ELSPBP1: variants seen among roughly 807,000 people sequenced by gnomAD.
ELSPBP1 encodes the protein epididymal sperm binding protein 1, also known as epididymal sperm-binding protein 1.
A neutral mutation model predicts 33.3 loss-of-function variants in ELSPBP1; 38 were observed. That is an observed-to-expected ratio of 1.14 (90% CI 0.88 to 1.50). ELSPBP1 has a LOEUF of 1.50. Among genes scored for constraint, ELSPBP1 ranks in the 40% most tolerant of loss-of-function variants. The pLI, the probability that ELSPBP1 is intolerant of heterozygous loss-of-function variation, is 0.00. For missense variants in ELSPBP1, 267 were observed against 263.5 expected, an observed-to-expected ratio of 1.01 and a Z score of -0.09; for synonymous variants, 85 against 94.1, an observed-to-expected ratio of 0.90 and a Z score of 0.56.
chr19:48,023,709 C>G (rs1330121599), intron 6 of ELSPBP1, among the ~76,000 whole-genome samples: 2 of 151,992 alleles, frequency 1.3e-5, no homozygotes, highest in Non-Finnish European at 2.9e-5. Flanking sequence ...GAGTAGCTGA[C>G]CAAGGGAAAA....
intron 6 of ELSPBP1, among the ~76,000 whole-genome samples, chr19:48,022,963 A>T (rs1443222420): frequency 6.6e-6 from 1 of 151,838 alleles, no homozygotes; most frequent in African/African-American, 2.4e-5. Flanking sequence ...AGGTCAGAGG[A>T]TCCCTTGAAC....
At chr19:48,019,388 GC>G (rs1231855179) in intron 4 of ELSPBP1, among the ~76,000 whole-genome samples, 3 of 152,142 alleles carry the variant, frequency 2.0e-5, no homozygotes, top group Admixed American at 2.0e-4. Context: ...TATGTAACTA[GC>G]TTTTCTGGAG....
At chr19:48,014,114 C>G (rs1967105266) in intron 2 of ELSPBP1, 57 bp from the exon 3 acceptor site, 7 of 1,584,492 alleles carry the variant, frequency 4.4e-6, no homozygotes, top group Non-Finnish European at 6.0e-6. Flanking sequence ...CAAGACTCAT[C>G]CTTTGCTAAT....
intron 1 of ELSPBP1, among the ~76,000 whole-genome samples, chr19:47,995,013 T>G (rs773314725): frequency 1.2e-4 from 19 of 152,232 alleles, no homozygotes; most frequent in Non-Finnish European, 2.4e-4. Flanking sequence ...GTGGAATCCA[T>G]GTATATCTAA....
intron 1 of ELSPBP1, among the ~76,000 whole-genome samples, chr19:47,998,659 C>G (rs1029046372): frequency 6.6e-6 from 1 of 151,868 alleles, no homozygotes; most frequent in Non-Finnish European, 1.5e-5. Flanking sequence ...TGGTGGTGGG[C>G]GCCTGTAGTC....
rs1600106981 is a variant in ELSPBP1 at position 48,011,613 on chromosome 19, A to G, written c.71-2558A>G. ...AATAATGAGGTGGATTATGATGACA[A>G]TGATGATGACAACGATGATGATGAT... On this transcript the variant is annotated intron_variant, in intron 2 of 6. Coordinates refer to ENST00000339841, the MANE Select transcript of ELSPBP1 (RefSeq NM_022142.5). This position sits in a 1 kb window ranked among gnomAD's most constrained non-coding sequence, Gnocchi z 4.5. Among the ~76,000 whole-genome samples the G allele has an allele frequency of 9.5e-6, 1 of 105,424 alleles. No individual in the cohort carries two copies. Among genetic ancestry groups the G allele is most frequent in the Admixed American group, 9.5e-5 (1 of 10,582 alleles). The allele number at this position is 105,424 out of a possible 152,430, so 69.2% of individuals were successfully genotyped here. A position where few individuals can be genotyped will look rare whatever the true frequency, so the allele number is the denominator to read the frequency against.
chr19:48,000,245 C>T (rs953043324), intron 1 of ELSPBP1, among the ~76,000 whole-genome samples: 15 of 144,592 alleles, frequency 1.0e-4, no homozygotes, highest in African/African-American at 1.8e-4. Context: ...CCTCCCCCAT[C>T]CCCCATAGAT....
At chr19:47,997,250 C>G (rs1262784161) in intron 1 of ELSPBP1, among the ~76,000 whole-genome samples, 2 of 152,210 alleles carry the variant, frequency 1.3e-5, no homozygotes, top group Admixed American at 6.5e-5. Flanking sequence ...AGACAGCCAT[C>G]TCATTGTTGC....
intron 1 of ELSPBP1, among the ~76,000 whole-genome samples, chr19:47,995,667 G>T (rs1427239122): frequency 6.6e-6 from 1 of 152,156 alleles, no homozygotes. Flanking sequence ...GAAGCAGAAG[G>T]ACTCATTATT....
chr19:48,013,753 G>T (rs762731746), intron 2 of ELSPBP1, among the ~76,000 whole-genome samples: 1 of 151,284 alleles, frequency 6.6e-6, no homozygotes, highest in Non-Finnish European at 1.5e-5. Context: ...AATTTAAAAA[G>T]TACCATTGAC....
At chr19:48,016,613 G>GT (rs1451985711) in intron 4 of ELSPBP1, among the ~76,000 whole-genome samples, 1 of 136,050 alleles carries the variant, frequency 7.4e-6, no homozygotes, top group Non-Finnish European at 1.6e-5. Context: ...TCTTTCTTCT[G>GT]TTTTTTACAG....
chr19:47,998,057 T>G (rs1006352242), intron 1 of ELSPBP1, among the ~76,000 whole-genome samples: 1 of 152,154 alleles, frequency 6.6e-6, no homozygotes, highest in South Asian at 2.1e-4. Flanking sequence ...GGTTTGCTAG[T>G]GTCACCATCT....
At chr19:48,023,324 GGAAA>G (rs1967223960) in intron 6 of ELSPBP1, among the ~76,000 whole-genome samples, 1 of 128,708 alleles carries the variant, frequency 7.8e-6, no homozygotes, top group South Asian at 2.9e-4. Flanking sequence ...AAGGAGAGAG[GGAAA>G]GAAGGAAGGG....
chr19:48,006,983 G>A (rs1967027110), intron 1 of ELSPBP1, among the ~76,000 whole-genome samples: 1 of 152,154 alleles, frequency 6.6e-6, no homozygotes. Flanking sequence ...GATACTCAGT[G>A]GTGCCACCTA....
chr19:48,023,304 AG>A (rs370454312), intron 6 of ELSPBP1, among the ~76,000 whole-genome samples: 4,639 of 124,914 alleles, frequency 0.037, 112 homozygotes, highest in East Asian at 0.093. Context: ...AAGGAAGGAG[AG>A]AAGAAAGGAA....
chr19:48,023,771 C>A (rs1271128590), intron 6 of ELSPBP1, among the ~76,000 whole-genome samples: 1 of 152,150 alleles, frequency 6.6e-6, no homozygotes, highest in Non-Finnish European at 1.5e-5. Flanking sequence ...CCCACCTCAG[C>A]CCGCTGGTCA....
chr19:48,006,401 G>A (rs1385679386), intron 1 of ELSPBP1, among the ~76,000 whole-genome samples: 2 of 151,942 alleles, frequency 1.3e-5, no homozygotes, highest in African/African-American at 2.4e-5. Context: ...ATCATTTGAG[G>A]TCAGGAGTTC....
chr19:48,003,946 A>G (rs570525008), intron 1 of ELSPBP1, among the ~76,000 whole-genome samples: 1 of 72,930 alleles, frequency 1.4e-5, no homozygotes. Context: ...ATTCTATTCT[A>G]TTCTATTCTA....
At chr19:47,996,935 T>C (rs1204375802) in intron 1 of ELSPBP1, among the ~76,000 whole-genome samples, 1 of 152,186 alleles carries the variant, frequency 6.6e-6, no homozygotes, top group Non-Finnish European at 1.5e-5. Flanking sequence ...TTATTGTGAG[T>C]TATCTCTATA....
Sources: allele counts gnomAD v4.1 joint callset (sites outside exome capture counted in the v4.1 genomes callset), GRCh38; gene constraint gnomAD v4.1.1; non-coding constraint Gnocchi (gnomAD v3.1); transcripts MANE v1.5; gene names NCBI Gene and HGNC (gene_info 2026-07-23, HGNC 2026-07-21).